KCNIP4: variants seen among roughly 807,000 people sequenced by gnomAD.
KCNIP4 encodes Kv channel-interacting protein 4.
Under a neutral mutation model 34.0 loss-of-function variants are expected in KCNIP4, and 12 were observed. That is an observed-to-expected ratio of 0.35 (90% CI 0.23 to 0.57). KCNIP4 has a LOEUF of 0.57. KCNIP4 is among the 20% of genes least tolerant of loss of function. The probability of loss-of-function intolerance (pLI) is 0.83; values close to 1 mark genes in which losing one functional copy is unlikely to be tolerated. For synonymous variants in KCNIP4, 124 were observed against 102.2 expected, an observed-to-expected ratio of 1.21 and a Z score of -1.29; for missense variants, 238 against 311.7, an observed-to-expected ratio of 0.76 and a Z score of 1.78.
At chr4:20,788,104 G>A (rs1447170061) in intron 3 of KCNIP4, among the ~76,000 whole-genome samples, 3 of 151,850 alleles carry the variant, frequency 2.0e-5, no homozygotes, top group South Asian at 2.1e-4. Context: ...TAAACTCTGC[G>A]GGGAAAGGAA....
At chr4:21,451,341 T>C (rs977958317) in intron 1 of KCNIP4, among the ~76,000 whole-genome samples, 30 of 152,128 alleles carry the variant, frequency 2.0e-4, no homozygotes, top group African/African-American at 6.5e-4. Flanking sequence ...GATCACAGAC[T>C]CAAACATCCA....
At chr4:20,758,566 G>A (rs967288862) in intron 4 of KCNIP4, among the ~76,000 whole-genome samples, 4 of 151,830 alleles carry the variant, frequency 2.6e-5, no homozygotes, top group Non-Finnish European at 5.9e-5. Flanking sequence ...AGAAAACATT[G>A]TGCATTTGAG....
chr4:21,078,850 T>A (rs145242239), intron 1 of KCNIP4, among the ~76,000 whole-genome samples: 199 of 152,184 alleles, frequency 1.3e-3, no homozygotes, highest in African/African-American at 4.6e-3. Flanking sequence ...ACTCTGCCCC[T>A]GGGGAGGCGA....
At chr4:21,745,013 C>T (rs1377905511) in intron 1 of KCNIP4, among the ~76,000 whole-genome samples, 2 of 152,072 alleles carry the variant, frequency 1.3e-5, no homozygotes. Context: ...AAGAACACTA[C>T]CAGCAAAGAA....
At chr4:21,774,938 T>G (rs1719071268) in intron 1 of KCNIP4, among the ~76,000 whole-genome samples, 1 of 152,230 alleles carries the variant, frequency 6.6e-6, no homozygotes, top group Non-Finnish European at 1.5e-5. Flanking sequence ...TTCTGAAGCC[T>G]ACTTCTGTCA....
intron 1 of KCNIP4, among the ~76,000 whole-genome samples, chr4:20,898,057 C>T (rs1252260515): frequency 6.6e-6 from 1 of 152,122 alleles, no homozygotes; most frequent in Non-Finnish European, 1.5e-5. Flanking sequence ...CCTTTGAAGG[C>T]AGAATAGGAA....
rs534604689 is a variant in KCNIP4, at chr4:21,461,631, A to G, written c.61+486940T>C. On this transcript the variant is annotated intron_variant, in intron 1 of 8. Transcript: ENST00000382152. ...AATCTCTTGTAAGTCCAGTCTCTAG[A>G]CTTTTTCCTAACATTCCCAGCTGCA... Among the ~76,000 whole-genome samples the G allele has an allele frequency of 9.2e-5, 14 of 152,148 alleles. No individual in the cohort carries two copies. The South Asian group carries it at 2.7e-3, about 29-fold the overall frequency.
At chr4:21,229,091 T>C (rs975574927) in intron 1 of KCNIP4, among the ~76,000 whole-genome samples, 2 of 152,228 alleles carry the variant, frequency 1.3e-5, no homozygotes, top group African/African-American at 2.4e-5. Context: ...ACATGGATCC[T>C]GGACCTACAT....
rs563430887 is a variant in KCNIP4, at chr4:21,200,284, G to A, written c.62-317575C>T. Among the ~76,000 whole-genome samples, 74 of 144,720 alleles carry A rather than the reference G, an allele frequency of 5.1e-4. 1 individual carries two copies. The highest frequency in any genetic ancestry group is 3.5e-3 in the Admixed American group (51 of 14,418). The allele number at this position is 144,720 out of a possible 152,430, so 94.9% of individuals were successfully genotyped here. On this transcript the variant is annotated intron_variant, in intron 1 of 8. Transcript: ENST00000382152. Reference sequence around the variant, plus strand: ...GATGAGTGGATAAAGAAAATGTGATGTGTGTGTGTGTGTGTGTATATATAT... The same window carrying A: ...GATGAGTGGATAAAGAAAATGTGATATGTGTGTGTGTGTGTGTATATATAT...
At chr4:20,782,930 C>T (rs899568465) in intron 3 of KCNIP4, among the ~76,000 whole-genome samples, 7 of 152,148 alleles carry the variant, frequency 4.6e-5, no homozygotes, top group Non-Finnish European at 1.0e-4. Context: ...ATGCTTTTAA[C>T]AGCACCCAAG....
At chr4:21,826,147 A>C (rs2109298458) in intron 1 of KCNIP4, among the ~76,000 whole-genome samples, 1 of 152,308 alleles carries the variant, frequency 6.6e-6, no homozygotes, top group South Asian at 2.1e-4. Flanking sequence ...CAGAGTATGT[A>C]GCATTTTATA....
At position 21,104,934 on chromosome 4, in the gene KCNIP4, G is replaced by C. The variant is rs547401157; in HGVS notation, c.62-222225C>G. ...GTGTGGTATTCTTTCTGAGGACTCT[G>C]TTCTGTTCCATTGGTCTATATCTCT... On this transcript the variant is annotated intron_variant, in intron 1 of 8. Coordinates refer to ENST00000382152, the MANE Select transcript of KCNIP4 (RefSeq NM_025221.6). Among the ~76,000 whole-genome samples the C allele has an allele frequency of 8.6e-5, 13 of 151,714 alleles. No individual in the cohort carries two copies. The South Asian group carries it at 2.5e-3, about 29-fold the overall frequency.
chr4:21,033,263 G>C (rs772179562), intron 1 of KCNIP4, among the ~76,000 whole-genome samples: 4 of 152,066 alleles, frequency 2.6e-5, no homozygotes, highest in Non-Finnish European at 4.4e-5. Flanking sequence ...CACAAAACAA[G>C]TATGAACTCT....
rs16869915 is a variant in KCNIP4 at position 20,729,157 on chromosome 4, A to C, written c.*925T>G. ...TTGTAATATAAATAAACATGCTGTA[A>C]GGAAGTCAGGGGAAAGAGGACAGAT... On this transcript the variant is annotated 3_prime_UTR_variant, in exon 9 of 9. Transcript: ENST00000382152. The C allele has an allele frequency of 0.12, 18,173 of 152,576 alleles. 1,256 individuals are homozygous for C. The highest frequency in any genetic ancestry group is 0.19 in the South Asian group (910 of 4,824). 9.5% of individuals were successfully genotyped at this position (152,576 alleles called of 1,614,324 possible).
At chr4:21,000,239 C>T (rs1253460332) in intron 1 of KCNIP4, among the ~76,000 whole-genome samples, 1 of 152,074 alleles carries the variant, frequency 6.6e-6, no homozygotes, top group Non-Finnish European at 1.5e-5. Context: ...AACCACCATC[C>T]TCTCCTTCAT....
intron 1 of KCNIP4, among the ~76,000 whole-genome samples, chr4:21,528,712 A>C (rs951954620): frequency 9.1e-4 from 1 of 1,098 alleles, no homozygotes; most frequent in African/African-American, 5.2e-3. Flanking sequence ...AGAAAGAAAG[A>C]AAGAAAGAAA....
chr4:21,112,499 C>A (rs1577714247), intron 1 of KCNIP4, among the ~76,000 whole-genome samples: 1 of 152,128 alleles, frequency 6.6e-6, no homozygotes, highest in South Asian at 2.1e-4. Context: ...TAGTAACATG[C>A]AAAGATGGGC....
At chr4:21,400,312 C>T (rs1018839672) in intron 1 of KCNIP4, among the ~76,000 whole-genome samples, 2 of 151,366 alleles carry the variant, frequency 1.3e-5, no homozygotes, top group Admixed American at 6.6e-5. Flanking sequence ...AACTGTAATG[C>T]CTGATGGATT....
chr4:21,236,942 G>A (rs1340040074), intron 1 of KCNIP4, among the ~76,000 whole-genome samples: 1 of 151,498 alleles, frequency 6.6e-6, no homozygotes, highest in Non-Finnish European at 1.5e-5. Flanking sequence ...GGAGGCAGAG[G>A]TTACAGTGAG....
Sources: gnomAD v4.1 joint callset for allele counts (sites outside exome capture counted in the v4.1 genomes callset) on GRCh38, gnomAD v4.1.1 for gene constraint, MANE v1.5 for transcripts, NCBI Gene and HGNC (gene_info 2026-07-23, HGNC 2026-07-21) for gene names.